The following UBE3C variants were observed in gnomAD, a reference collection of about 807,000 sequenced individuals.
The protein encoded by UBE3C is ubiquitin-protein ligase E3C.
In UBE3C, 42 loss-of-function variants were observed where a neutral mutation model predicts 129.4. That is an observed-to-expected ratio of 0.32 (90% confidence interval 0.25 to 0.42). The LOEUF (loss-of-function observed/expected upper bound fraction) is 0.42, where lower values mean the gene tolerates loss of function less well. Among genes scored for constraint, UBE3C ranks in the 10% least tolerant of loss-of-function variants. UBE3C has a pLI of 1.00. For synonymous variants in UBE3C, 510 were observed against 492.4 expected (o/e 1.04, Z -0.47); for missense variants, 1,049 against 1,319.1 (o/e 0.80, Z 3.17).
intron 18 of UBE3C, among the ~76,000 whole-genome samples, chr7:157,237,811 C>T (rs894607660): frequency 6.6e-6 from 1 of 151,692 alleles, no homozygotes; most frequent in Non-Finnish European, 1.5e-5. Flanking sequence ...TTTGGGAGGC[C>T]GAGGTGGGAA....
intron 3 of UBE3C, 125 bp from the exon 4 acceptor site, chr7:157,170,179 C>T (rs34094179): frequency 6.5e-5 from 53 of 817,318 alleles, no homozygotes; most frequent in Non-Finnish European, 8.5e-5. Context: ...GAGCAAGGAC[C>T]GATAATGGTG....
intron 17 of UBE3C, among the ~76,000 whole-genome samples, 167 bp downstream of exon 17, chr7:157,225,706 T>A (rs1230096478): frequency 2.0e-5 from 3 of 152,168 alleles, no homozygotes; most frequent in African/African-American, 7.2e-5. Context: ...CCCAGCACTT[T>A]GGGAGGCTGA....
At chr7:157,164,993 T>G (rs1014986270) in intron 2 of UBE3C, among the ~76,000 whole-genome samples, 1 of 152,190 alleles carries the variant, frequency 6.6e-6, no homozygotes, top group African/African-American at 2.4e-5. Context: ...TGGGGGGAAC[T>G]GCTCTGTACA....
intron 17 of UBE3C, among the ~76,000 whole-genome samples, chr7:157,228,349 G>A (rs963939693): frequency 7.2e-5 from 11 of 152,176 alleles, no homozygotes; most frequent in Admixed American, 1.3e-4. Context: ...GGGAGAAACC[G>A]TCACATTCCC....
At chr7:157,201,616 A>G in intron 10 of UBE3C, 105 bp from the exon 11 acceptor site, 2 of 756,486 alleles carry the variant, frequency 2.6e-6, no homozygotes, top group Non-Finnish European at 3.9e-6. Context: ...GCTAAATTGT[A>G]CGTTGATCTT....
chr7:157,198,087 T>G, intron 10 of UBE3C: 1 of 1,612,136 alleles, frequency 6.2e-7, no homozygotes, highest in East Asian at 2.2e-5. Context: ...CTCCAGAAAT[T>G]GAGCATTTGT....
chr7:157,210,947 A>G (rs1052349378), intron 13 of UBE3C, among the ~76,000 whole-genome samples: 8 of 152,226 alleles, frequency 5.3e-5, no homozygotes, highest in African/African-American at 1.7e-4. Context: ...CTGTCTTGAC[A>G]CTGCTAAAAC....
intron 18 of UBE3C, among the ~76,000 whole-genome samples, chr7:157,237,600 G>A (rs549529985): frequency 6.6e-6 from 1 of 152,316 alleles, no homozygotes; most frequent in Non-Finnish European, 1.5e-5. Context: ...TTCATGAGAA[G>A]AATGGATCAG....
Position 157,169,828 on chromosome 7 carries a change from A to C in UBE3C, c.196-476A>C, listed in dbSNP as rs545585010. Among the ~76,000 whole-genome samples the C allele has an allele frequency of 2.3e-3, 343 of 152,138 alleles. 1 individual carries two copies. The highest frequency in any genetic ancestry group is 7.3e-3 in the African/African-American group (302 of 41,490). ...CCTGAGTAGCTGGGACTACAGGTGC[A>C]TACCACCACAGCTGGCTAAATGTTT... On this transcript the variant is annotated intron_variant, in intron 3 of 22. Transcript: ENST00000348165.
intron 18 of UBE3C, among the ~76,000 whole-genome samples, chr7:157,245,738 C>T (rs1204756393): frequency 6.6e-6 from 1 of 152,142 alleles, no homozygotes; most frequent in Non-Finnish European, 1.5e-5. Flanking sequence ...CTCTAGTTAT[C>T]AGACATGTGC....
chr7:157,216,273 A>G (rs1795566200), intron 13 of UBE3C, among the ~76,000 whole-genome samples: 2 of 152,204 alleles, frequency 1.3e-5, no homozygotes, highest in African/African-American at 4.8e-5. Flanking sequence ...TCTTTCAGGA[A>G]AAAGTTGTAC....
chr7:157,264,806 A>T (rs994560972), intron 22 of UBE3C, among the ~76,000 whole-genome samples: 2 of 152,176 alleles, frequency 1.3e-5, no homozygotes, highest in African/African-American at 4.8e-5. Flanking sequence ...TCCTGACCTC[A>T]GGTGATCCAC....
chr7:157,159,163 A>C (rs1807997961), intron 1 of UBE3C, among the ~76,000 whole-genome samples: 1 of 152,232 alleles, frequency 6.6e-6, no homozygotes, highest in African/African-American at 2.4e-5. Context: ...TATCTCAAGA[A>C]GAGTGTCACA....
chr7:157,160,106 G>A (rs573752801), intron 1 of UBE3C, among the ~76,000 whole-genome samples: 4 of 148,032 alleles, frequency 2.7e-5, no homozygotes, highest in South Asian at 2.1e-4. Context: ...ATGGAGTCTC[G>A]TTCTATCACC....
rs903509065 is a variant in UBE3C, at chr7:157,139,270, A to G, written c.-3A>G. 2.5e-6 allele frequency: 4 copies of G among 1,572,356 alleles called. No individual in the cohort carries two copies. Among genetic ancestry groups the G allele is most frequent in the Non-Finnish European group, 3.4e-6 (4 of 1,166,484 alleles). On this transcript the variant is annotated 5_prime_UTR_variant, in exon 1 of 23. Transcript: ENST00000348165. ...CTGCCCGCACATGGGCTAGGCTGCC[A>G]GGATGTTCAGCTTCGAAGGCGACTT...
chr7:157,249,017 C>G (rs759284528), intron 19 of UBE3C, among the ~76,000 whole-genome samples: 3 of 152,084 alleles, frequency 2.0e-5, no homozygotes, highest in Non-Finnish European at 4.4e-5. Flanking sequence ...TTACTTATAT[C>G]CTTTTTAAAA....
intron 2 of UBE3C, among the ~76,000 whole-genome samples, chr7:157,166,671 C>T (rs1477056880): frequency 1.4e-5 from 2 of 146,430 alleles, no homozygotes; most frequent in African/African-American, 2.5e-5. Flanking sequence ...ACTCGGGAGG[C>T]GGAGGTTGTG....
intron 8 of UBE3C, among the ~76,000 whole-genome samples, chr7:157,183,425 T>A (rs987715361): frequency 2.0e-5 from 3 of 151,148 alleles, no homozygotes; most frequent in African/African-American, 7.3e-5. Flanking sequence ...CACTCCACAC[T>A]CTCGGCACCT....
intron 22 of UBE3C, 87 bp from the exon 23 acceptor site, chr7:157,267,498 A>C: frequency 6.8e-7 from 1 of 1,476,636 alleles, no homozygotes; most frequent in Non-Finnish European, 9.3e-7. Context: ...TACTGATTGG[A>C]GCAGGCACAT....
Sources: gnomAD v4.1 joint callset for allele counts (sites outside exome capture counted in the v4.1 genomes callset) on GRCh38, gnomAD v4.1.1 for gene constraint, MANE v1.5 for transcripts, NCBI Gene and HGNC (gene_info 2026-07-23, HGNC 2026-07-21) for gene names.